The following AKR1C2 variants were observed in gnomAD, a reference collection of about 807,000 sequenced individuals.
The protein encoded by AKR1C2 is 3-alpha-HSD3.
AKR1C2 carries 27 observed loss-of-function variants against 39.8 expected under a neutral mutation model. The ratio of observed to expected loss-of-function variants is 0.68; its 90% CI spans 0.50 to 0.93. AKR1C2 has a LOEUF of 0.93. AKR1C2 is among the 40% of genes least tolerant of loss of function. AKR1C2 has a pLI of 0.00. For synonymous variants in AKR1C2, 114 were observed against 137.9 expected (o/e 0.83, Z 1.22); for missense variants, 263 against 365.1 (o/e 0.72, Z 2.28).
At position 4,988,672 on chromosome 10, in the gene AKR1C2, C is replaced by A. The variant is rs1463784564; in HGVS notation, c.*1324G>T. The A allele has an allele frequency of 6.6e-6, 1 of 152,026 alleles. No individual in the cohort carries two copies. The highest frequency in any genetic ancestry group is 1.5e-5 in the Non-Finnish European group (1 of 68,008). 9.4% of individuals were successfully genotyped at this position (152,026 alleles called of 1,614,324 possible). A position where few individuals can be genotyped will look rare whatever the true frequency, so the allele number is the denominator to read the frequency against. ...GGAATCTCTGATGGGGTTAACATGG[C>A]TACCAGAGTACGAATAGTGGAGAGT... On this transcript the variant is annotated 3_prime_UTR_variant, in exon 9 of 9. Transcript: ENST00000380753.
At position 4,990,016 on chromosome 10, in the gene AKR1C2, G is replaced by T. The variant is rs782648866; in HGVS notation, c.952C>A (p.Pro318Thr). The part of the protein sequence containing the change: ...LDIFAGPPNY[P>T]FSDEY Reference sequence around the variant, plus strand: ...CCATGTTAATATTCATCAGAAAATGGATAATTAGGGGGGCCAGCAAAACTG... The same window carrying T: ...CCATGTTAATATTCATCAGAAAATGTATAATTAGGGGGGCCAGCAAAACTG... The change falls in exon 9 of 9, where the codon CCA becomes ACA. Residue 318 changes from proline (P) to threonine (T), a missense_variant. By Grantham distance (38) the Pro-to-Thr change is conservative. Coordinates refer to ENST00000380753, the MANE Select transcript of AKR1C2 (RefSeq NM_001393392.1). The T allele has an allele frequency of 5.0e-6, 8 of 1,604,554 alleles. No homozygotes were observed. Among genetic ancestry groups the T allele is most frequent in the Non-Finnish European group, 6.8e-6 (8 of 1,177,676 alleles).
intron 1 of AKR1C2, among the ~76,000 whole-genome samples, chr10:5,009,367 T>C (rs1837472234): frequency 6.6e-6 from 1 of 152,102 alleles, no homozygotes; most frequent in Non-Finnish European, 1.5e-5. Context: ...TGCTCAATAC[T>C]ATTGTTCACC....
Position 4,998,686 on chromosome 10 carries a change from T to A in AKR1C2, c.509A>T (p.His170Leu). 6.2e-7 allele frequency: 1 copy of A among 1,614,176 alleles called. No homozygotes were observed. Among genetic ancestry groups the A allele is most frequent in the Non-Finnish European group, 8.5e-7 (1 of 1,180,030 alleles). ...GTTGAGGATCATCTCCAGCAGCCTG[T>A]GGTTGAAGTTGGACACCCCGATGGA... Reference protein sequence around the residue: ...AKSIGVSNFNHRLLEMILNKP... With the variant: ...AKSIGVSNFNLRLLEMILNKP... Residue 170 changes from histidine (H) to leucine (L), a missense_variant, in exon 5 of 9, where the codon CAC becomes CTC. His to Leu is a moderately conservative substitution (Grantham distance 99, BLOSUM62 -3). This residue lies in a region of AKR1C2 where 247 missense variants were observed against 267.9 expected (regional missense o/e 0.92). Coordinates refer to ENST00000380753, the MANE Select transcript of AKR1C2 (RefSeq NM_001393392.1).
chr10:5,014,255 C>T lies in AKR1C2; in HGVS notation c.-88+3645G>A, dbSNP rs543947101. Reference sequence around the variant, plus strand: ...GTGAGCCCCAAATACCTGAGACATGCCCCAGTCAATTTAGAAATTTATTTT... The same window carrying T: ...GTGAGCCCCAAATACCTGAGACATGTCCCAGTCAATTTAGAAATTTATTTT... On this transcript the variant is annotated intron_variant, in intron 1 of 6. Transcript: ENST00000604507. 2.6e-5 allele frequency among the ~76,000 whole-genome samples: 4 copies of T among 151,880 alleles called. No individual in the cohort carries two copies. In the East Asian group the frequency reaches 7.7e-4, roughly 29 times the overall value.
Position 5,000,583 on chromosome 10 carries a change from G to A in AKR1C2, c.336C>T (p.Asp112=), listed in dbSNP as rs1837231985. ...ACACTGGAAAATGAATAAGATAGAG[G>A]TCAACATAGTCCAATTGAAGATTTT... ...SLKNLQLDYV[D]LYLIHFPVSV... The change falls in exon 3 of 9, where the codon GAC becomes GAT. Residue 112 remains aspartate, a synonymous_variant. Transcript: ENST00000380753. 6.2e-7 allele frequency: 1 copy of A among 1,613,850 alleles called. No homozygotes were observed. Among genetic ancestry groups the A allele is most frequent in the Non-Finnish European group, 8.5e-7 (1 of 1,179,912 alleles).
chr10:4,989,174 A>G lies in AKR1C2; in HGVS notation c.*822T>C, dbSNP rs529531412. The G allele has an allele frequency of 3.9e-5, 6 of 152,348 alleles. No homozygotes were observed. The highest frequency in any genetic ancestry group is 2.6e-4 in the Admixed American group (4 of 15,298). 9.4% of individuals were successfully genotyped at this position (152,348 alleles called of 1,614,324 possible). Reference sequence around the variant, plus strand: ...CTATTCAGGGGAATGTGATGAGTCAATGATATCTTCGATGTCCTGCCCCAC... The same window carrying G: ...CTATTCAGGGGAATGTGATGAGTCAGTGATATCTTCGATGTCCTGCCCCAC... On this transcript the variant is annotated 3_prime_UTR_variant, in exon 9 of 9. Transcript: ENST00000380753.
upstream of AKR1C2, among the ~76,000 whole-genome samples, chr10:5,004,358 CT>C (rs1219229955): frequency 1.3e-5 from 2 of 152,192 alleles, no homozygotes; most frequent in East Asian, 1.9e-4. Flanking sequence ...AAATGCATGA[CT>C]TTTTTTCATC....
At chr10:5,004,899 T>C (rs1837367229), upstream of AKR1C2, 1 of 144,232 alleles carries the variant, frequency 6.9e-6, no homozygotes, top group African/African-American at 2.6e-5. Context: ...TTGACATAAA[T>C]GTAATATTAT....
upstream of AKR1C2, among the ~76,000 whole-genome samples, chr10:5,008,777 A>C (rs1213253758): frequency 6.6e-6 from 1 of 152,258 alleles, no homozygotes; most frequent in African/African-American, 2.4e-5. Context: ...TTTTTTCTGA[A>C]CAAGTGTTAC....
upstream of AKR1C2, among the ~76,000 whole-genome samples, chr10:5,007,047 C>G (rs1313484473): frequency 1.4e-5 from 2 of 147,682 alleles, no homozygotes; most frequent in Non-Finnish European, 3.0e-5. Context: ...GCTCGGATTA[C>G]AGGCATTAGC....
intron 1 of AKR1C2, 129 bp from the exon 2 acceptor site, chr10:5,001,810 A>C: frequency 8.1e-7 from 1 of 1,234,034 alleles, no homozygotes; most frequent in Non-Finnish European, 1.1e-6. Flanking sequence ...TAGAATCATA[A>C]GCCCATCCCA....
intron 1 of AKR1C2, among the ~76,000 whole-genome samples, chr10:5,009,775 C>G (rs1214764983): frequency 1.3e-5 from 2 of 151,948 alleles, no homozygotes; most frequent in African/African-American, 4.8e-5. Flanking sequence ...GGTGAGGAGA[C>G]AAGGAGGCAA....
chr10:5,005,439 T>C (rs1304439467), upstream of AKR1C2, among the ~76,000 whole-genome samples: 1 of 152,074 alleles, frequency 6.6e-6, no homozygotes, highest in African/African-American at 2.4e-5. Flanking sequence ...TCCCAGCACT[T>C]TGGGAGGCCA....
rs1836748941 is a variant in AKR1C2 at position 4,988,932 on chromosome 10, T to C, written c.*1064A>G. 1.3e-5 allele frequency: 2 copies of C among 152,212 alleles called. No individual in the cohort carries two copies. Among genetic ancestry groups the C allele is most frequent in the Admixed American group, 1.3e-4 (2 of 15,284 alleles). The allele number at this position is 152,212 out of a possible 1,614,324, so 9.4% of individuals were successfully genotyped here. On this transcript the variant is annotated 3_prime_UTR_variant, in exon 9 of 9. Coordinates refer to ENST00000380753, the MANE Select transcript of AKR1C2 (RefSeq NM_001393392.1). ...TTTGAAACCAGTGTGCTGTTTTACATAGCCTGTTTCCAAAAGACATTTGAA... is the reference window on the plus strand; with the variant it reads ...TTTGAAACCAGTGTGCTGTTTTACACAGCCTGTTTCCAAAAGACATTTGAA...
intron 6 of AKR1C2, 49 bp from the exon 7 acceptor site, chr10:4,995,533 G>A: frequency 1.3e-6 from 2 of 1,561,662 alleles, no homozygotes; most frequent in Non-Finnish European, 1.7e-6. Flanking sequence ...GCGATAGTTT[G>A]TTAGGCGGCT....
chr10:5,017,160 G>T (rs1435947019), intron 1 of AKR1C2, among the ~76,000 whole-genome samples: 16 of 152,190 alleles, frequency 1.1e-4, no homozygotes, highest in Admixed American at 9.2e-4. Context: ...TATTGTCTTG[G>T]CTATTAACAT....
At chr10:4,991,197 G>C (rs1319864218) in intron 8 of AKR1C2, among the ~76,000 whole-genome samples, 3 of 151,338 alleles carry the variant, frequency 2.0e-5, no homozygotes, top group Non-Finnish European at 4.4e-5. Context: ...TCTCTACACT[G>C]AGATCTCCAT....
intron 1 of AKR1C2, among the ~76,000 whole-genome samples, chr10:5,017,471 T>C (rs1458433681): frequency 6.6e-6 from 1 of 152,186 alleles, no homozygotes. Flanking sequence ...AGGAACACGA[T>C]GATGCCAATC....
At position 5,001,757 on chromosome 10, in the gene AKR1C2, A is replaced by C. The variant is rs1452261671; in HGVS notation, c.85-76T>G. 3.8e-6 allele frequency: 6 copies of C among 1,594,012 alleles called. No homozygotes were observed. The African/African-American group carries it at 8.2e-5, about 22-fold the overall frequency. On this transcript the variant is annotated intron_variant, in intron 1 of 8. Coordinates refer to ENST00000380753, the MANE Select transcript of AKR1C2 (RefSeq NM_001393392.1). ...AGTTCGGGCACAAGCAGCAACGTTC[A>C]CAAAAATCAGCTTTTCCTCCTTTCT...
Sources: gnomAD v4.1 joint callset for allele counts (sites outside exome capture counted in the v4.1 genomes callset) on GRCh38, gnomAD v4.1.1 for gene constraint, gnomAD v4.1.1 regional missense constraint, MANE v1.5 for transcripts, NCBI Gene and HGNC (gene_info 2026-07-23, HGNC 2026-07-21) for gene names.